HOOK3: variants seen among roughly 807,000 people sequenced by gnomAD.
HOOK3 encodes protein Hook homolog 3.
HOOK3 carries 24 observed loss-of-function variants against 116.3 expected under a neutral mutation model. The observed-to-expected ratio is 0.21, with a 90% CI of 0.15 to 0.29. The LOEUF is 0.29. Among genes scored for constraint, HOOK3 ranks in the 10% least tolerant of loss-of-function variants. The pLI, the probability that HOOK3 is intolerant of heterozygous loss-of-function variation, is 1.00. For synonymous variants in HOOK3, 275 were observed against 283.0 expected (o/e 0.97, Z 0.28); for missense variants, 632 against 830.2 (o/e 0.76, Z 2.93).
intron 1 of HOOK3, among the ~76,000 whole-genome samples, chr8:42,905,344 G>C (rs1437105306): frequency 1.4e-5 from 2 of 145,816 alleles, no homozygotes; most frequent in African/African-American, 2.6e-5. Context: ...GGGTGCCGTG[G>C]TGGAGGGGAT....
At position 42,973,379 on chromosome 8, in the gene HOOK3, A is replaced by C; in HGVS notation, c.1213A>C (p.Ser405Arg). The C allele has an allele frequency of 1.2e-6, 2 of 1,612,242 alleles. No homozygotes were observed. Among genetic ancestry groups the C allele is most frequent in the Non-Finnish European group, 1.7e-6 (2 of 1,179,192 alleles). ...TAAGCGGCTAAAAGAAAAAGTTGACAGTCTTCAAAAAGAAAAGGACGTGAG... is the reference window on the plus strand; with the variant it reads ...TAAGCGGCTAAAAGAAAAAGTTGACCGTCTTCAAAAAGAAAAGGACGTGAG... ...EYKRLKEKVD[S>R]LQKEKDRLRT... The change falls in exon 12 of 22, where the codon AGT (serine) becomes CGT (arginine). Residue 405 changes from serine (S) to arginine (R), a missense_variant. By Grantham distance (110) the Ser-to-Arg change is moderately radical. Transcript: ENST00000307602.
In HOOK3 at chr8:43,023,440, T is replaced by C. The variant is rs1809870363; in HGVS notation, c.*4942T>C. The C allele has an allele frequency of 6.0e-6, 1 of 167,146 alleles. No individual in the cohort carries two copies. The highest frequency in any genetic ancestry group is 1.3e-5 in the Non-Finnish European group (1 of 76,896). 10.4% of individuals were successfully genotyped at this position (167,146 alleles called of 1,614,324 possible). On this transcript the variant is annotated 3_prime_UTR_variant, in exon 22 of 22. Coordinates refer to ENST00000307602, the MANE Select transcript of HOOK3 (RefSeq NM_032410.4). ...TTCCTTCCCTTCTTTTCTTTTTTCT[T>C]TTCTTTTCTTTTCTCCCTCCTTTCT...
chr8:43,022,489 T>C lies in HOOK3; in HGVS notation c.*3991T>C, dbSNP rs573753372. The C allele has an allele frequency of 5.1e-6, 1 of 194,788 alleles. No homozygotes were observed. The highest frequency in any genetic ancestry group is 2.3e-5 in the African/African-American group (1 of 43,244). The allele number at this position is 194,788 out of a possible 1,614,324, so 12.1% of individuals were successfully genotyped here. ...TTATAAACAGGAAGATCATTTTCTG[T>C]TTTCCTTCTAACCAGGGTGAGAAAA... On this transcript the variant is annotated 3_prime_UTR_variant, in exon 22 of 22. Coordinates refer to ENST00000307602, the MANE Select transcript of HOOK3 (RefSeq NM_032410.4).
chr8:42,969,165 C>G (rs1808684180), intron 11 of HOOK3, among the ~76,000 whole-genome samples: 1 of 152,056 alleles, frequency 6.6e-6, no homozygotes, highest in African/African-American at 2.4e-5. Flanking sequence ...TGTACAGGTC[C>G]TCTACTATAT....
chr8:43,019,442 C>G lies in HOOK3; in HGVS notation c.*944C>G, dbSNP rs1343759467. ...TTATGCCCCATTTGTTTTACTTGTT[C>G]TTTAATATAAACCCTTCCATTTTTT... On this transcript the variant is annotated 3_prime_UTR_variant, in exon 22 of 22. Transcript: ENST00000307602. The G allele has an allele frequency of 4.7e-6, 1 of 210,706 alleles. No homozygotes were observed. Among genetic ancestry groups the G allele is most frequent in the Non-Finnish European group, 9.6e-6 (1 of 104,056 alleles). 13.1% of individuals were successfully genotyped at this position (210,706 alleles called of 1,614,324 possible).
intron 4 of HOOK3, among the ~76,000 whole-genome samples, chr8:42,935,018 A>T (rs1807939235): frequency 1.3e-5 from 2 of 152,202 alleles, no homozygotes; most frequent in African/African-American, 4.8e-5. Flanking sequence ...ACAGTGTAAA[A>T]GCATTCCTAT....
intron 2 of HOOK3, among the ~76,000 whole-genome samples, chr8:42,921,430 GA>G (rs1329051687): frequency 2.0e-5 from 3 of 152,114 alleles, no homozygotes; most frequent in African/African-American, 7.2e-5. Flanking sequence ...TTTGACTTCT[GA>G]ATTGATTTTT....
chr8:42,905,333 G>GGC (rs1373692484), intron 1 of HOOK3, among the ~76,000 whole-genome samples: 2 of 146,258 alleles, frequency 1.4e-5, no homozygotes, highest in African/African-American at 5.1e-5. Context: ...TTTGGGGGGG[G>GGC]GGGTGCCGTG....
At chr8:42,988,935 C>T (rs1277656603) in intron 15 of HOOK3, among the ~76,000 whole-genome samples, 2 of 152,160 alleles carry the variant, frequency 1.3e-5, no homozygotes, top group African/African-American at 4.8e-5. Flanking sequence ...ATTACCTTGA[C>T]TCTAACTTAA....
At chr8:43,013,737 G>T (rs774840831) in intron 21 of HOOK3, among the ~76,000 whole-genome samples, 6 of 152,132 alleles carry the variant, frequency 3.9e-5, no homozygotes, top group Admixed American at 6.6e-5. Flanking sequence ...GATTATTTCA[G>T]TGTCTTTGCA....
Position 43,021,104 on chromosome 8 carries a change from G to GAA in HOOK3, c.*2634_*2635dup, listed in dbSNP as rs34161624. 61 of 32,280 alleles carry GAA rather than the reference G, an allele frequency of 1.9e-3. 4 individuals are homozygous for GAA. Among genetic ancestry groups the GAA allele is most frequent in the Non-Finnish European group, 2.8e-3 (38 of 13,498 alleles). The allele number at this position is 32,280 out of a possible 1,614,324, so 2.0% of individuals were successfully genotyped here. On this transcript the variant is annotated 3_prime_UTR_variant, in exon 22 of 22. Coordinates refer to ENST00000307602, the MANE Select transcript of HOOK3 (RefSeq NM_032410.4). ...CGACAAGAGCGAAACTCTGTCGCAA[G>GAA]AAAAAAAAAAAAAAAAAAAAAAAAA...
chr8:42,906,087 CAAAAAAAA>C (rs35347216), intron 1 of HOOK3, 78 bp from the exon 2 acceptor site: 37 of 396,050 alleles, frequency 9.3e-5, no homozygotes, highest in Non-Finnish European at 1.3e-4. Flanking sequence ...ACTCCGTCTC[CAAAAAAAA>C]AAAAAAAAAA....
chr8:43,004,832 A>G (rs1417873289), intron 17 of HOOK3, among the ~76,000 whole-genome samples: 1 of 152,176 alleles, frequency 6.6e-6, no homozygotes, highest in Non-Finnish European at 1.5e-5. Flanking sequence ...CAGTCTGCTT[A>G]GTAAACCTGG....
chr8:42,973,296 A>T lies in HOOK3; in HGVS notation c.1130A>T (p.Glu377Val). ...GGTATCTTTCTGTATCAGGTAGTAG[A>T]ACTACAAAACAGATTATCCGAAGAA... ...QLETYKRQVV[E>V]LQNRLSEESK... Residue 377 changes from glutamate to valine, a missense_variant, in exon 12 of 22, where the codon GAA becomes GTA. Physicochemically the swap from Glu to Val is moderately radical, Grantham distance 121 (BLOSUM62 -2). Transcript: ENST00000307602. 6.2e-7 allele frequency: 1 copy of T among 1,608,430 alleles called. No individual in the cohort carries two copies. Among genetic ancestry groups the T allele is most frequent in the Non-Finnish European group, 8.5e-7 (1 of 1,178,040 alleles).
At chr8:42,900,023 A>C (rs779765036) in intron 1 of HOOK3, among the ~76,000 whole-genome samples, 1 of 152,208 alleles carries the variant, frequency 6.6e-6, no homozygotes, top group African/African-American at 2.4e-5. Flanking sequence ...TGATTCTGTC[A>C]CCTATACAGA....
chr8:42,923,127 A>AT (rs149356187), intron 2 of HOOK3, among the ~76,000 whole-genome samples: 178 of 152,362 alleles, frequency 1.2e-3, no homozygotes, highest in African/African-American at 4.1e-3. Flanking sequence ...ATCATTAGCC[A>AT]TTAGGGAAAT....
chr8:42,973,587 TA>T (rs1364989368), intron 12 of HOOK3, among the ~76,000 whole-genome samples, 188 bp downstream of exon 12: 2 of 152,332 alleles, frequency 1.3e-5, no homozygotes, highest in East Asian at 3.9e-4. Context: ...AGAATATTTT[TA>T]TAATACTTCC....
In HOOK3 at chr8:43,012,930, G is replaced by A. The variant is rs1025091845; in HGVS notation, c.1840-121G>A. The A allele has an allele frequency of 4.5e-6, 3 of 670,722 alleles. No individual in the cohort carries two copies. The African/African-American group carries it at 5.5e-5, about 12-fold the overall frequency. 41.5% of individuals were successfully genotyped at this position (670,722 alleles called of 1,614,324 possible). On this transcript the variant is annotated intron_variant, in intron 19 of 21. Coordinates refer to ENST00000307602, the MANE Select transcript of HOOK3 (RefSeq NM_032410.4). ...TTTACTTTTTAAAATACCCTTGTAA[G>A]ATAACCTTTGATTTTTCATAAGTTT... is the stretch of plus-strand genomic sequence containing the variant.
chr8:42,974,027 C>A, intron 12 of HOOK3, 80 bp from the exon 13 acceptor site: 1 of 925,628 alleles, frequency 1.1e-6, no homozygotes, highest in Non-Finnish European at 1.8e-6. Context: ...GTTTATCATT[C>A]TATTAGGTAA....
Sources: allele counts gnomAD v4.1 joint callset (sites outside exome capture counted in the v4.1 genomes callset), GRCh38; gene constraint gnomAD v4.1.1; transcripts MANE v1.5; gene names NCBI Gene and HGNC (gene_info 2026-07-23, HGNC 2026-07-21).